BMPR1A: variants seen among roughly 807,000 people sequenced by gnomAD.
The protein encoded by BMPR1A is bone morphogenetic protein receptor type-1A.
A neutral mutation model predicts 66.0 loss-of-function variants in BMPR1A; 7 were observed. The observed-to-expected ratio is 0.11, with a 90% CI of 0.06 to 0.20. The LOEUF (loss-of-function observed/expected upper bound fraction) is 0.20, where lower values mean the gene tolerates loss of function less well. Ranked by LOEUF, BMPR1A falls within the 10% of genes least tolerant of loss-of-function variation. The probability of loss-of-function intolerance (pLI) is 1.00; values close to 1 mark genes in which losing one functional copy is unlikely to be tolerated. For missense variants in BMPR1A, 408 were observed against 669.1 expected (o/e 0.61, Z 4.31); for synonymous variants, 200 against 229.7 (o/e 0.87, Z 1.17).
chr10:86,874,304 C>T (rs1842890881), intron 2 of BMPR1A, among the ~76,000 whole-genome samples: 1 of 152,166 alleles, frequency 6.6e-6, no homozygotes, highest in South Asian at 2.1e-4. Flanking sequence ...TTCATGTCAT[C>T]CATATTAGAA....
intron 1 of BMPR1A, among the ~76,000 whole-genome samples, chr10:86,827,464 C>G (rs1842211958): frequency 6.6e-6 from 1 of 152,046 alleles, no homozygotes; most frequent in Admixed American, 6.6e-5. Flanking sequence ...TCGGTTTCAC[C>G]TAGTTTTTGG....
At chr10:86,796,464 A>G (rs1299496285) in intron 1 of BMPR1A, among the ~76,000 whole-genome samples, 5 of 151,952 alleles carry the variant, frequency 3.3e-5, no homozygotes, top group Admixed American at 1.3e-4. Flanking sequence ...ATTAGTAATC[A>G]GAATTATATC....
intron 3 of BMPR1A, among the ~76,000 whole-genome samples, chr10:86,882,640 G>A (rs1365992978): frequency 6.8e-6 from 1 of 147,366 alleles, no homozygotes; most frequent in Admixed American, 6.8e-5. Context: ...TTTTATTTGA[G>A]TATTTTAAAA....
intron 5 of BMPR1A, among the ~76,000 whole-genome samples, chr10:86,892,715 A>G (rs1208432139): frequency 6.6e-6 from 1 of 152,048 alleles, no homozygotes; most frequent in Non-Finnish European, 1.5e-5. Context: ...GGTGTGAGCC[A>G]CTGTGCCCAG....
intron 1 of BMPR1A, among the ~76,000 whole-genome samples, chr10:86,795,999 A>G (rs1841704890): frequency 6.6e-6 from 1 of 152,176 alleles, no homozygotes; most frequent in Admixed American, 6.5e-5. Context: ...TCAGAAAGGT[A>G]GTGGTAAAAA....
rs1843159384 is a variant in BMPR1A, at chr10:86,892,133, T to C, written c.237T>C (p.Asn79=). 6.2e-7 allele frequency: 1 copy of C among 1,612,106 alleles called. No individual in the cohort carries two copies. The highest frequency in any genetic ancestry group is 8.5e-7 in the Non-Finnish European group (1 of 1,178,196). The change falls in exon 5 of 13, where the codon AAT becomes AAC. Residue 79 remains asparagine, a synonymous_variant. Transcript: ENST00000372037. ...TTGTTTTTTTCTGTTTTAGAACTAATGGACATTGCTTTGCCATCATAGAAG... is the reference window on the plus strand; with the variant it reads ...TTGTTTTTTTCTGTTTTAGAACTAACGGACATTGCTTTGCCATCATAGAAG... ...DDAINNTCIT[N]GHCFAIIEED...
At chr10:86,903,844 G>A (rs1044392634) in intron 7 of BMPR1A, among the ~76,000 whole-genome samples, 5 of 151,968 alleles carry the variant, frequency 3.3e-5, no homozygotes, top group Admixed American at 6.6e-5. Context: ...CTGACCTCAT[G>A]ATCCGCCCGC....
At chr10:86,918,002 C>G (rs1231687414) in intron 9 of BMPR1A, among the ~76,000 whole-genome samples, 1 of 152,196 alleles carries the variant, frequency 6.6e-6, no homozygotes, top group South Asian at 2.1e-4. Flanking sequence ...GCTGTTGTGT[C>G]TCTGAATACT....
chr10:86,922,982 T>TTATC (rs1438526556), intron 11 of BMPR1A, among the ~76,000 whole-genome samples: 3 of 152,260 alleles, frequency 2.0e-5, no homozygotes, highest in African/African-American at 7.2e-5. Context: ...GTGTGAACCC[T>TTATC]TATCTGCACC....
rs2133322249 is a variant in BMPR1A, at chr10:86,876,104, T to C, written c.67+19T>C. ...GTTCAAGGTAAATCAGTGTTCATTTTAGTAATGTATGTGTGTATATAAAAA... is the reference window on the plus strand; with the variant it reads ...GTTCAAGGTAAATCAGTGTTCATTTCAGTAATGTATGTGTGTATATAAAAA... On this transcript the variant is annotated intron_variant, in intron 3 of 12. Coordinates refer to ENST00000372037, the MANE Select transcript of BMPR1A (RefSeq NM_004329.3). The C allele has an allele frequency of 1.3e-6, 2 of 1,591,368 alleles. No individual in the cohort carries two copies. The highest frequency in any genetic ancestry group is 1.7e-6 in the Non-Finnish European group (2 of 1,159,770).
intron 7 of BMPR1A, among the ~76,000 whole-genome samples, chr10:86,907,509 T>C (rs886766838): frequency 6.6e-6 from 1 of 152,222 alleles, no homozygotes; most frequent in Non-Finnish European, 1.5e-5. Context: ...ATCAGTATAT[T>C]GAAGGCCTGT....
intron 2 of BMPR1A, among the ~76,000 whole-genome samples, chr10:86,842,872 A>G (rs911996688): frequency 2.6e-5 from 4 of 151,998 alleles, no homozygotes; most frequent in Admixed American, 2.6e-4. Context: ...CACTACCAAG[A>G]GAACAGTATA....
chr10:86,781,914 T>A (rs2132714261), intron 1 of BMPR1A, among the ~76,000 whole-genome samples: 1 of 137,208 alleles, frequency 7.3e-6, no homozygotes, highest in Admixed American at 8.5e-5. Flanking sequence ...CCAGGCAGGC[T>A]GGAGTGCAGT....
At chr10:86,863,276 C>T (rs189755811) in intron 2 of BMPR1A, among the ~76,000 whole-genome samples, 2 of 152,324 alleles carry the variant, frequency 1.3e-5, no homozygotes, top group East Asian at 3.9e-4. Context: ...CTGTGCGGGC[C>T]TTAGCTGTCT....
At chr10:86,756,303 T>TTGTGGGGAGGGGCC (rs1213538818), upstream of BMPR1A, 3 of 152,114 alleles carry the variant, frequency 2.0e-5, no homozygotes, top group Non-Finnish European at 2.9e-5. Context: ...GCTGTGGGGC[T>TTGTGGGGAGGGGCC]GGCTTGTGGG....
At chr10:86,844,544 A>C (rs1842461326) in intron 2 of BMPR1A, among the ~76,000 whole-genome samples, 1 of 152,210 alleles carries the variant, frequency 6.6e-6, no homozygotes, top group African/African-American at 2.4e-5. Flanking sequence ...ATTATATAAA[A>C]CTGGCTTTTA....
intron 1 of BMPR1A, among the ~76,000 whole-genome samples, chr10:86,763,119 C>G (rs773197933): frequency 6.6e-6 from 1 of 152,086 alleles, no homozygotes; most frequent in Non-Finnish European, 1.5e-5. Flanking sequence ...TGATCTCGAA[C>G]TCCTGACCTC....
At chr10:86,931,258 A>AG, downstream of BMPR1A, 1 of 77,850 alleles carries the variant, frequency 1.3e-5, no homozygotes, top group Non-Finnish European at 2.2e-5. Flanking sequence ...AAAAAAAAGA[A>AG]AAAAAAATAT....
In BMPR1A at chr10:86,790,187, AAATATATATATATATAT is replaced by A. The variant is rs1564685485; in HGVS notation, c.-268+33270_-268+33286del. Among the ~76,000 whole-genome samples the A allele has an allele frequency of 1.6e-3, 46 of 28,486 alleles. 6 individuals carry two copies. Among genetic ancestry groups the A allele is most frequent in the East Asian group, 7.4e-3 (7 of 952 alleles). The allele number at this position is 28,486 out of a possible 152,430, so 18.7% of individuals were successfully genotyped here. ...CAAAAAAAAAAAAAAAAAAAAAAAA[AAATATATATATATATAT>A]ATATATATATATATATATATATATA... On this transcript the variant is annotated intron_variant, in intron 1 of 12. Coordinates refer to ENST00000372037, the MANE Select transcript of BMPR1A (RefSeq NM_004329.3).
Sources: allele counts gnomAD v4.1 joint callset (sites outside exome capture counted in the v4.1 genomes callset), GRCh38; gene constraint gnomAD v4.1.1; transcripts MANE v1.5; gene names NCBI Gene and HGNC (gene_info 2026-07-23, HGNC 2026-07-21).